Variants in UBASH3A observed in about 807,000 individuals in gnomAD.
UBASH3A encodes ubiquitin associated and SH3 domain containing A.
In UBASH3A, 63 loss-of-function variants were observed where a neutral mutation model predicts 73.5. The observed-to-expected ratio is 0.86, with a 90% confidence interval of 0.70 to 1.06. The LOEUF (loss-of-function observed/expected upper bound fraction) is 1.06. Ranked by LOEUF, UBASH3A falls within the 50% of genes least tolerant of loss-of-function variation. UBASH3A has a pLI of 0.00. For missense variants in UBASH3A, 860 were observed against 859.0 expected (o/e 1.00, Z -0.02); for synonymous variants, 363 against 351.1 (o/e 1.03, Z -0.38).
chr21:42,441,715 C>T (rs2053749770), intron 11 of UBASH3A, among the ~76,000 whole-genome samples: 1 of 151,660 alleles, frequency 6.6e-6, no homozygotes, highest in African/African-American at 2.4e-5. Flanking sequence ...AACTTGGGGG[C>T]CTGATTAACT....
Position 42,444,622 on chromosome 21 carries a change from T to C in UBASH3A, c.1827T>C (p.Asp609=), listed in dbSNP as rs755077377. Residue 609 remains aspartate, a synonymous_variant, in exon 14 of 15, where the codon GAT becomes GAC. Transcript: ENST00000319294. ...LLGLPPRECG[D]FAQLVRKIPS... ...GGCTGCCGCCCCGGGAATGTGGGGA[T>C]TTTGCCCAACTCGTGAGAAAGGTAC... 2 of 1,614,072 alleles carry C rather than the reference T, an allele frequency of 1.2e-6. No individual in the cohort carries two copies. The highest frequency in any genetic ancestry group is 2.2e-5 in the South Asian group (2 of 91,088).
intron 14 of UBASH3A, among the ~76,000 whole-genome samples, chr21:42,446,526 A>T (rs945989360): frequency 6.6e-6 from 1 of 152,260 alleles, no homozygotes; most frequent in African/African-American, 2.4e-5. Flanking sequence ...AAAGAAAGAA[A>T]AGAAAAGACA....
chr21:42,439,761 CACACACT>C (rs1364492248), intron 11 of UBASH3A, among the ~76,000 whole-genome samples: 3 of 140,008 alleles, frequency 2.1e-5, no homozygotes, highest in Non-Finnish European at 4.6e-5. Context: ...CACACACCCA[CACACACT>C]ACACATACAC....
In UBASH3A at chr21:42,406,423, C is replaced by T; in HGVS notation, c.167+62C>T. On this transcript the variant is annotated intron_variant, in intron 2 of 14. Transcript: ENST00000319294. ...GGGCTGAATTCCCTGTGCCTAAGGA[C>T]TCCCTCCCACCAGGGCTGATACCAG... The T allele has an allele frequency of 3.6e-6, 5 of 1,394,376 alleles. No individual in the cohort carries two copies. The South Asian group carries it at 4.6e-5, about 13-fold the overall frequency. The allele number at this position is 1,394,376 out of a possible 1,614,324, so 86.4% of individuals were successfully genotyped here.
chr21:42,438,335 G>A (rs780660073), intron 11 of UBASH3A, among the ~76,000 whole-genome samples: 2 of 152,194 alleles, frequency 1.3e-5, no homozygotes, highest in Non-Finnish European at 2.9e-5. Flanking sequence ...AGGAAGTAAG[G>A]CCACCAGCGG....
intron 9 of UBASH3A, 50 bp from the exon 10 acceptor site, chr21:42,434,782 T>G (rs1480317671): frequency 6.4e-7 from 1 of 1,572,882 alleles, no homozygotes; most frequent in South Asian, 1.2e-5. Context: ...GTGGAACAAA[T>G]CTGTACTAAC....
At chr21:42,446,970 GTGTGCCTGACAGT>G in intron 14 of UBASH3A, 74 bp from the exon 15 acceptor site, 1 of 1,456,756 alleles carries the variant, frequency 6.9e-7, no homozygotes, top group Non-Finnish European at 9.3e-7. Flanking sequence ...CAAAGTAGAG[GTGTGCCTGACAGT>G]TGGCTTTGGA....
intron 8 of UBASH3A, among the ~76,000 whole-genome samples, chr21:42,430,200 C>A (rs769207047): frequency 2.6e-5 from 4 of 152,188 alleles, no homozygotes; most frequent in Non-Finnish European, 5.9e-5. Flanking sequence ...ACCACTCTTG[C>A]CAGAGCGAGT....
Position 42,444,524 on chromosome 21 carries a change from T to C in UBASH3A, c.1739-10T>C. On this transcript the variant is annotated splice_polypyrimidine_tract_variant and intron_variant, in intron 13 of 14. Coordinates refer to ENST00000319294, the MANE Select transcript of UBASH3A (RefSeq NM_018961.4). ...CTGCTTTGACCTGGAGGTGTTCTTG[T>C]TTTCCACAGCGGGTGTCATCCTAAT... The C allele has an allele frequency of 6.2e-7, 1 of 1,609,228 alleles. No individual in the cohort carries two copies. The highest frequency in any genetic ancestry group is 8.5e-7 in the Non-Finnish European group (1 of 1,178,082).
In UBASH3A at chr21:42,403,934, G is replaced by A; in HGVS notation, c.-12G>A. 1 of 1,486,120 alleles carries A rather than the reference G, an allele frequency of 6.7e-7. No individual in the cohort carries two copies. Among genetic ancestry groups the A allele is most frequent in the Non-Finnish European group, 9.0e-7 (1 of 1,108,050 alleles). 92.1% of individuals were successfully genotyped at this position (1,486,120 alleles called of 1,614,324 possible). On this transcript the variant is annotated 5_prime_UTR_variant, in exon 1 of 15. Transcript: ENST00000319294. ...TGTGCAGGCGAGCTTCTTGGCCTAA[G>A]GGCAGGAAGAGATGGCAGCGGGGGA... is the stretch of plus-strand genomic sequence containing the variant.
chr21:42,443,334 C>T lies in UBASH3A; in HGVS notation c.1654C>T (p.Leu552Phe). Residue 552 changes from leucine to phenylalanine, a missense_variant, in exon 13 of 15, where the codon CTC becomes TTC. Physicochemically the swap from Leu to Phe is conservative, Grantham distance 22. Coordinates refer to ENST00000319294, the MANE Select transcript of UBASH3A (RefSeq NM_018961.4). ...CAGGCCCGCGTTTCCCCTGTCCGCC[C>T]TCATGCCGGCCGAGAGCTACCAGGA... ...DYRPAFPLSA[L>F]MPAESYQEYM... 1 of 1,613,402 alleles carries T rather than the reference C, an allele frequency of 6.2e-7. No individual in the cohort carries two copies. The highest frequency in any genetic ancestry group is 8.5e-7 in the Non-Finnish European group (1 of 1,179,676).
At chr21:42,407,191 G>A (rs542343192) in intron 2 of UBASH3A, among the ~76,000 whole-genome samples, 3 of 152,264 alleles carry the variant, frequency 2.0e-5, no homozygotes, top group East Asian at 1.9e-4. Flanking sequence ...TCTCCTACCC[G>A]GATGTGCTGT....
chr21:42,444,790 G>A (rs956519595), intron 14 of UBASH3A, 147 bp downstream of exon 14: 4 of 678,058 alleles, frequency 5.9e-6, no homozygotes, highest in East Asian at 2.7e-5. Flanking sequence ...TGTGCCCACC[G>A]GCTCTTATGC....
intron 9 of UBASH3A, 148 bp downstream of exon 9, chr21:42,432,350 G>A (rs368301550): frequency 1.9e-5 from 10 of 534,180 alleles, no homozygotes; most frequent in East Asian, 8.9e-5. Flanking sequence ...TGGAAAACGT[G>A]CCTGCTACAT....
At chr21:42,446,434 C>G (rs1419094126) in intron 14 of UBASH3A, among the ~76,000 whole-genome samples, 1 of 152,172 alleles carries the variant, frequency 6.6e-6, no homozygotes, top group African/African-American at 2.4e-5. Flanking sequence ...TCAACACCAG[C>G]CTCACTCAGA....
intron 2 of UBASH3A, 136 bp downstream of exon 2, chr21:42,406,497 C>A (rs746986936): frequency 1.4e-5 from 10 of 695,674 alleles, no homozygotes; most frequent in Non-Finnish European, 2.6e-5. Context: ...GGAAGTGAAA[C>A]AAAATAACCT....
At chr21:42,417,878 CTTTTTTTTT>C (rs796939696) in intron 6 of UBASH3A, among the ~76,000 whole-genome samples, 1 of 90,634 alleles carries the variant, frequency 1.1e-5, no homozygotes, top group African/African-American at 4.4e-5. Flanking sequence ...TTCTTTTTTT[CTTTTTTTTT>C]TTTTTTTTTT....
At chr21:42,410,910 T>C (rs1255464734) in intron 3 of UBASH3A, among the ~76,000 whole-genome samples, 1 of 149,796 alleles carries the variant, frequency 6.7e-6, no homozygotes, top group Non-Finnish European at 1.5e-5. Context: ...CATACATAGA[T>C]ATAGACACAC....
At chr21:42,406,099 G>A (rs1375921367) in intron 1 of UBASH3A, among the ~76,000 whole-genome samples, 1 of 151,980 alleles carries the variant, frequency 6.6e-6, no homozygotes, top group African/African-American at 2.4e-5. Flanking sequence ...GGACAGTGAG[G>A]GGGAGGTGTG....
Sources: gnomAD v4.1 joint callset for allele counts (sites outside exome capture counted in the v4.1 genomes callset) on GRCh38, gnomAD v4.1.1 for gene constraint, MANE v1.5 for transcripts, NCBI Gene and HGNC (gene_info 2026-07-23, HGNC 2026-07-21) for gene names.